The following CCDC180 variants were observed in gnomAD, a reference collection of about 807,000 sequenced individuals.
The protein encoded by CCDC180 is coiled-coil domain containing 180.
In CCDC180, 154 loss-of-function variants were observed where a neutral mutation model predicts 209.2. The observed-to-expected ratio is 0.74, with a 90% CI of 0.65 to 0.84. CCDC180 has a LOEUF of 0.84. Ranked by LOEUF, CCDC180 falls within the 40% of genes least tolerant of loss-of-function variation. The pLI, the probability that CCDC180 is intolerant of heterozygous loss-of-function variation, is 0.00. For synonymous variants in CCDC180, 778 were observed against 749.1 expected, an observed-to-expected ratio of 1.04 and a Z score of -0.63; for missense variants, 1,874 against 1,997.3, an observed-to-expected ratio of 0.94 and a Z score of 1.18.
intron 11 of CCDC180, among the ~76,000 whole-genome samples, chr9:97,322,359 T>C (rs376826716): frequency 6.6e-6 from 1 of 152,140 alleles, no homozygotes; most frequent in South Asian, 2.1e-4. Flanking sequence ...CAGAGTTGCT[T>C]ATCCTAGACA....
chr9:97,318,600 G>T lies in CCDC180; in HGVS notation c.1079+18G>T, dbSNP rs762780949. ...ACCATCTGGTATGGGCAGGAGGGGCGGCCCAGGAGGGGTGCTTCTTGGGGT... is the reference window on the plus strand; with the variant it reads ...ACCATCTGGTATGGGCAGGAGGGGCTGCCCAGGAGGGGTGCTTCTTGGGGT... On this transcript the variant is annotated intron_variant, in intron 10 of 36. Transcript: ENST00000529487. The T allele has an allele frequency of 6.2e-7, 1 of 1,609,296 alleles. No individual in the cohort carries two copies. The highest frequency in any genetic ancestry group is 1.7e-5 in the Admixed American group (1 of 59,964).
rs1230563999 is a variant in CCDC180, at chr9:97,307,685, G to C, written c.-203G>C. 1 of 1,568,066 alleles carries C rather than the reference G, an allele frequency of 6.4e-7. No individual in the cohort carries two copies. Among genetic ancestry groups the C allele is most frequent in the Non-Finnish European group, 8.8e-7 (1 of 1,139,896 alleles). ...AGCGCCGTTAACTTTTCCCCGAAGAGCATGGCAGAGTGAAGCACAAGCAAT... is the reference window on the plus strand; with the variant it reads ...AGCGCCGTTAACTTTTCCCCGAAGACCATGGCAGAGTGAAGCACAAGCAAT... On this transcript the variant is annotated 5_prime_UTR_variant, in exon 1 of 37. Transcript: ENST00000529487.
At chr9:97,363,897 A>G (rs1169973616) in intron 28 of CCDC180, 154 bp from the exon 29 acceptor site, 1 of 666,480 alleles carries the variant, frequency 1.5e-6, no homozygotes, top group East Asian at 2.7e-5. Flanking sequence ...TTGAGAAGGG[A>G]AACGCCCCAA....
intron 18 of CCDC180, among the ~76,000 whole-genome samples, chr9:97,338,635 T>C (rs1395138808): frequency 6.6e-6 from 1 of 152,244 alleles, no homozygotes; most frequent in African/African-American, 2.4e-5. Context: ...GAATGTATAT[T>C]CTGTTGATTT....
At chr9:97,370,122 G>T in intron 32 of CCDC180, 40 bp downstream of exon 32, 1 of 1,590,720 alleles carries the variant, frequency 6.3e-7, no homozygotes, top group Non-Finnish European at 8.6e-7. Flanking sequence ...CTAGGACCAG[G>T]GGAACTGGGA....
rs536382406 is a variant in CCDC180, at chr9:97,318,599, C to T, written c.1079+17C>T. 14 of 1,609,344 alleles carry T rather than the reference C, an allele frequency of 8.7e-6. No individual in the cohort carries two copies. The Admixed American group carries it at 1.3e-4, about 15-fold the overall frequency. On this transcript the variant is annotated intron_variant, in intron 10 of 36. Transcript: ENST00000529487. ...CACCATCTGGTATGGGCAGGAGGGG[C>T]GGCCCAGGAGGGGTGCTTCTTGGGG... is the stretch of plus-strand genomic sequence containing the variant.
Position 97,330,594 on chromosome 9 carries a change from G to A in CCDC180, c.2101G>A (p.Glu701Lys), listed in dbSNP as rs746140918. ...ACTGGAAGAAATGCAGGTTGAAAGA[G>A]AGGGCTCCTTAAACCCATCCCTGAA... ...QGLEEMQVEREGSLNPSLNEE... is the reference protein window; with the variant it reads ...QGLEEMQVERKGSLNPSLNEE... Residue 701 changes from glutamate (E) to lysine (K), a missense_variant, in exon 18 of 37, where the codon GAG becomes AAG. Glu to Lys is a moderately conservative substitution (Grantham distance 56, BLOSUM62 1). Coordinates refer to ENST00000529487, the MANE Select transcript of CCDC180 (RefSeq NM_020893.6). 78 of 1,613,986 alleles carry A rather than the reference G, an allele frequency of 4.8e-5. No individual in the cohort carries two copies. The highest frequency in any genetic ancestry group is 6.4e-5 in the Non-Finnish European group (76 of 1,180,014).
chr9:97,361,642 G>C lies in CCDC180; in HGVS notation c.3484-84G>C, dbSNP rs1042434407. 5.6e-6 allele frequency: 8 copies of C among 1,422,864 alleles called. No individual in the cohort carries two copies. In the African/African-American group the frequency reaches 9.8e-5, roughly 17 times the overall value. 88.1% of individuals were successfully genotyped at this position (1,422,864 alleles called of 1,614,324 possible). ...TGCAGCCACTCCACTGAGGCAGGGT[G>C]GGAGGGAACATGAATTCGGCCTGCT... On this transcript the variant is annotated intron_variant, in intron 26 of 36. Coordinates refer to ENST00000529487, the MANE Select transcript of CCDC180 (RefSeq NM_020893.6).
intron 34 of CCDC180, chr9:97,373,136 A>T (rs1290341306): frequency 6.6e-6 from 1 of 152,236 alleles, no homozygotes. Flanking sequence ...CAAACTGCTG[A>T]TGATCACCTC....
intron 3 of CCDC180, among the ~76,000 whole-genome samples, chr9:97,309,864 T>C (rs545220452): frequency 3.3e-5 from 5 of 152,244 alleles, no homozygotes; most frequent in African/African-American, 1.2e-4. Flanking sequence ...ACTTGAGACC[T>C]CGAAAGTAAA....
At chr9:97,312,073 T>C (rs754612277) in intron 3 of CCDC180, 40 bp from the exon 4 acceptor site, 2 of 1,578,430 alleles carry the variant, frequency 1.3e-6, no homozygotes, top group South Asian at 1.1e-5. Flanking sequence ...ATGGATGGCA[T>C]CAGGAGCTGG....
At chr9:97,341,233 A>G (rs910358392) in intron 18 of CCDC180, among the ~76,000 whole-genome samples, 1 of 152,044 alleles carries the variant, frequency 6.6e-6, no homozygotes, top group Non-Finnish European at 1.5e-5. Context: ...CAGGGCCACT[A>G]CCGGTCTCTG....
intron 26 of CCDC180, among the ~76,000 whole-genome samples, chr9:97,361,366 A>C (rs1006209113): frequency 1.2e-4 from 19 of 152,238 alleles, no homozygotes; most frequent in African/African-American, 4.1e-4. Flanking sequence ...GTTTTGGAGA[A>C]GCATTTATTG....
chr9:97,361,961 G>A lies in CCDC180; in HGVS notation c.3656+63G>A, dbSNP rs552472335. 225 of 1,567,660 alleles carry A rather than the reference G, an allele frequency of 1.4e-4. 2 individuals carry two copies. Among genetic ancestry groups the A allele is most frequent in the Middle Eastern group, 6.5e-4 (3 of 4,632 alleles). ...CCTGCCCCTGGCCCTGGACCTTCAG[G>A]GACCAGCTTTGGGGCCCCACACACT... On this transcript the variant is annotated intron_variant, in intron 27 of 36. Transcript: ENST00000529487.
At chr9:97,355,865 T>G (rs535533023) in intron 24 of CCDC180, among the ~76,000 whole-genome samples, 1 of 151,876 alleles carries the variant, frequency 6.6e-6, no homozygotes, top group African/African-American at 2.4e-5. Flanking sequence ...TCTGGAGAGA[T>G]GATGGAGAAA....
At chr9:97,341,777 GC>G (rs1185388989) in intron 18 of CCDC180, among the ~76,000 whole-genome samples, 1 of 152,200 alleles carries the variant, frequency 6.6e-6, no homozygotes. Flanking sequence ...GCTATGCCCT[GC>G]CCCCAGAGGT....
chr9:97,332,940 T>G (rs1825794168), intron 18 of CCDC180, among the ~76,000 whole-genome samples: 1 of 152,208 alleles, frequency 6.6e-6, no homozygotes, highest in African/African-American at 2.4e-5. Flanking sequence ...CCTCCTTGTC[T>G]TGTGCTGGTT....
chr9:97,326,459 C>T (rs574249217), intron 14 of CCDC180, 95 bp from the exon 15 acceptor site: 2 of 748,796 alleles, frequency 2.7e-6, no homozygotes, highest in South Asian at 1.5e-5. Context: ...GGCACCTGGG[C>T]CTCAGTTCCA....
At chr9:97,320,267 C>G in intron 11 of CCDC180, 62 bp downstream of exon 11, 1 of 1,476,886 alleles carries the variant, frequency 6.8e-7, no homozygotes, top group South Asian at 1.1e-5. Context: ...AGTTGCTTTG[C>G]TGAAGCTCAG....
Sources: gnomAD v4.1 joint callset for allele counts (sites outside exome capture counted in the v4.1 genomes callset) on GRCh38, gnomAD v4.1.1 for gene constraint, MANE v1.5 for transcripts, NCBI Gene and HGNC (gene_info 2026-07-23, HGNC 2026-07-21) for gene names.